The following PPARGC1A variants were observed in gnomAD, a reference collection of about 807,000 sequenced individuals.
The protein encoded by PPARGC1A is peroxisome proliferator-activated receptor gamma coactivator 1-alpha.
In PPARGC1A, 25 loss-of-function variants were observed where a neutral mutation model predicts 88.7. That is an observed-to-expected ratio of 0.28 (90% CI 0.21 to 0.39). PPARGC1A has a LOEUF of 0.39. Among genes scored for constraint, PPARGC1A ranks in the 10% least tolerant of loss-of-function variants. PPARGC1A has a pLI of 1.00. For missense variants in PPARGC1A, 880 were observed against 968.7 expected (o/e 0.91, Z 1.22); for synonymous variants, 363 against 355.6 (o/e 1.02, Z -0.24).
At chr4:23,841,700 AACAAAACAAAGC>A (rs1727078545) in intron 2 of PPARGC1A, among the ~76,000 whole-genome samples, 1 of 152,112 alleles carries the variant, frequency 6.6e-6, no homozygotes, top group African/African-American at 2.4e-5. Context: ...ATCCCCTTCA[AACAAAACAAAGC>A]ACAAAATAAT....
the PPARGC1A span, among the ~76,000 whole-genome samples, chr4:24,220,515 A>C: frequency 4.6e-5 from 7 of 152,360 alleles, no homozygotes; most frequent in South Asian, 1.2e-3. Flanking sequence ...AATGTGGTAC[A>C]TATACACTAT....
chr4:23,833,235 T>C (rs554763114), intron 2 of PPARGC1A, among the ~76,000 whole-genome samples: 2 of 152,348 alleles, frequency 1.3e-5, no homozygotes, highest in South Asian at 4.1e-4. Context: ...GTGTGTGATA[T>C]TCTATGCACG....
chr4:24,141,002 C>T, the PPARGC1A span, among the ~76,000 whole-genome samples: 1 of 152,138 alleles, frequency 6.6e-6, no homozygotes, highest in East Asian at 1.9e-4. Context: ...CTCCAGATAA[C>T]AAAGGGACTA....
At chr4:23,965,019 G>A in the PPARGC1A span, among the ~76,000 whole-genome samples, 33 of 152,198 alleles carry the variant, frequency 2.2e-4, no homozygotes, top group Middle Eastern at 3.4e-3. Flanking sequence ...GAAAATAAAG[G>A]CTCACTTCAT....
chr4:23,796,936 AG>A (rs1410037503), intron 12 of PPARGC1A, among the ~76,000 whole-genome samples: 2 of 152,184 alleles, frequency 1.3e-5, no homozygotes, highest in East Asian at 3.9e-4. Flanking sequence ...ATATAATACT[AG>A]ATACTACAGA....
the PPARGC1A span, among the ~76,000 whole-genome samples, chr4:24,426,215 A>T: frequency 6.6e-6 from 1 of 152,192 alleles, no homozygotes; most frequent in South Asian, 2.1e-4. Context: ...TATACTATTG[A>T]TATTGTGATT....
chr4:23,948,328 TG>T, the PPARGC1A span, among the ~76,000 whole-genome samples: 1 of 152,126 alleles, frequency 6.6e-6, no homozygotes, highest in Non-Finnish European at 1.5e-5. Context: ...TTTGTCTACA[TG>T]GGAAGAAAGG....
the PPARGC1A span, among the ~76,000 whole-genome samples, chr4:23,954,479 C>A: frequency 6.6e-6 from 1 of 151,926 alleles, no homozygotes; most frequent in African/African-American, 2.4e-5. Context: ...AACTCAAGGT[C>A]TTCCAGAAAA....
chr4:23,898,076 T>C (rs1718825119), intron 1 of PPARGC1A, among the ~76,000 whole-genome samples: 1 of 152,178 alleles, frequency 6.6e-6, no homozygotes, highest in Non-Finnish European at 1.5e-5. Context: ...AAATGAGAGC[T>C]TAAAATAACA....
the PPARGC1A span, among the ~76,000 whole-genome samples, chr4:24,140,447 T>C: frequency 2.6e-5 from 4 of 152,170 alleles, no homozygotes; most frequent in African/African-American, 7.2e-5. Context: ...GACCGGGTCA[T>C]TGGACAATGC....
the PPARGC1A span, among the ~76,000 whole-genome samples, chr4:24,410,926 C>A: frequency 1.3e-5 from 2 of 152,182 alleles, no homozygotes; most frequent in African/African-American, 4.8e-5. Context: ...GGCTTCCTTG[C>A]TCCTCACCTT....
At chr4:23,884,510 C>G in intron 2 of PPARGC1A, 1 of 429,906 alleles carries the variant, frequency 2.3e-6, no homozygotes, top group Non-Finnish European at 4.1e-6. Flanking sequence ...CAGTTTAACT[C>G]ACTCACAGTT....
chr4:24,120,345 C>A, the PPARGC1A span, among the ~76,000 whole-genome samples: 3 of 152,086 alleles, frequency 2.0e-5, no homozygotes, highest in South Asian at 6.2e-4. Context: ...GGTTCAGAGA[C>A]AACAGAAAGA....
At chr4:23,847,582 T>C (rs1019041301) in intron 2 of PPARGC1A, among the ~76,000 whole-genome samples, 1 of 152,212 alleles carries the variant, frequency 6.6e-6, no homozygotes, top group African/African-American at 2.4e-5. Context: ...GACCATAGGC[T>C]GTGTAAGCAA....
chr4:24,252,709 G>T, the PPARGC1A span, among the ~76,000 whole-genome samples: 3 of 152,166 alleles, frequency 2.0e-5, no homozygotes, highest in Admixed American at 6.5e-5. Context: ...TGGCCCTGAG[G>T]CCCCTCCTCA....
chr4:23,905,513 T>A (rs567849273), upstream of PPARGC1A, among the ~76,000 whole-genome samples: 1 of 152,320 alleles, frequency 6.6e-6, no homozygotes, highest in East Asian at 1.9e-4. Context: ...TCTTCACCTT[T>A]ACAAATGCAG....
the PPARGC1A span, among the ~76,000 whole-genome samples, chr4:24,320,352 C>T: frequency 6.6e-6 from 1 of 152,214 alleles, no homozygotes; most frequent in Admixed American, 6.5e-5. Context: ...ATAAACACCA[C>T]ACCATTAATT....
chr4:24,082,584 G>T, the PPARGC1A span, among the ~76,000 whole-genome samples: 2 of 152,154 alleles, frequency 1.3e-5, no homozygotes, highest in East Asian at 3.8e-4. Context: ...CATTCAACCA[G>T]CTGCTATGAC....
chr4:23,931,438 T>C, the PPARGC1A span, among the ~76,000 whole-genome samples: 3 of 152,148 alleles, frequency 2.0e-5, no homozygotes, highest in Non-Finnish European at 4.4e-5. Context: ...CCCTGACTTT[T>C]TTTTTTACTT....
Sources: allele counts gnomAD v4.1 joint callset (sites outside exome capture counted in the v4.1 genomes callset), GRCh38; gene constraint gnomAD v4.1.1; transcripts MANE v1.5; gene names NCBI Gene and HGNC (gene_info 2026-07-23, HGNC 2026-07-21).